PLSCR5: variants seen among roughly 807,000 people sequenced by gnomAD.
PLSCR5 encodes the protein phospholipid scramblase family member 5.
PLSCR5 carries 44 observed loss-of-function variants against 33.6 expected under a neutral mutation model. The ratio of observed to expected loss-of-function variants is 1.31; its 90% confidence interval spans 1.03 to 1.69. The LOEUF (loss-of-function observed/expected upper bound fraction) is 1.69, where lower values mean the gene tolerates loss of function less well. Among genes scored for constraint, PLSCR5 ranks in the 40% most tolerant of loss-of-function variants. The pLI is 0.00. For missense variants in PLSCR5, 375 were observed against 318.7 expected, an observed-to-expected ratio of 1.18 and a Z score of -1.34; for synonymous variants, 148 against 112.3, an observed-to-expected ratio of 1.32 and a Z score of -2.01.
Position 146,600,271 on chromosome 3 carries a change from T to C in PLSCR5, c.189+17A>G, listed in dbSNP as rs985741856. On this transcript the variant is annotated intron_variant, in intron 2 of 7. Transcript: ENST00000443512. ...TAAGGGTAGAACATATCTGTAGTAA[T>C]AGAAAGATAAAAACACCTGGCTTAA... 1.3e-6 allele frequency: 2 copies of C among 1,523,762 alleles called. No homozygotes were observed. The highest frequency in any genetic ancestry group is 2.4e-5 in the East Asian group (1 of 41,508). The allele number at this position is 1,523,762 out of a possible 1,614,324, so 94.4% of individuals were successfully genotyped here.
chr3:146,600,557 A>C, intron 1 of PLSCR5, 94 bp from the exon 2 acceptor site: 1 of 1,143,722 alleles, frequency 8.7e-7, no homozygotes, highest in Non-Finnish European at 1.1e-6. Context: ...TTGATAGGAT[A>C]GTTTATCTCC....
intron 7 of PLSCR5, among the ~76,000 whole-genome samples, chr3:146,577,344 T>G (rs2044605103): frequency 6.6e-6 from 1 of 152,154 alleles, no homozygotes; most frequent in African/African-American, 2.4e-5. Flanking sequence ...TCCATGGATG[T>G]GTCTTGGTTT....
chr3:146,586,884 A>G (rs1305465891), intron 6 of PLSCR5, among the ~76,000 whole-genome samples: 2 of 152,198 alleles, frequency 1.3e-5, no homozygotes, highest in Non-Finnish European at 2.9e-5. Flanking sequence ...TAAGGAAAGT[A>G]ATTTATCTTG....
chr3:146,586,462 CTTTATCTAAATCTGCATAGTA>C (rs2044666753), intron 6 of PLSCR5, among the ~76,000 whole-genome samples: 1 of 152,118 alleles, frequency 6.6e-6, no homozygotes, highest in Admixed American at 6.5e-5. Context: ...AACTTGGAAA[CTTTATCTAAATCTGCATAGTA>C]TTGTCAAACT....
chr3:146,594,034 A>T lies in PLSCR5; in HGVS notation c.339T>A (p.Cys113Ter). 6.2e-7 allele frequency: 1 copy of T among 1,613,870 alleles called. No homozygotes were observed. Among genetic ancestry groups the T allele is most frequent in the Non-Finnish European group, 8.5e-7 (1 of 1,179,794 alleles). ...EESICFNRTFCSTLRSCTLRI... is the reference protein window; with the variant it reads ...EESICFNRTF ...TCAGGGTGCAAGATCGCAGAGTGGA[A>T]CAGAAAGTACGATTGAAGCAGATGC... The change falls in exon 4 of 8, where the codon TGT becomes TGA. Residue 113 changes from cysteine to a stop codon, truncating the protein, a stop_gained. Coordinates refer to ENST00000443512, the MANE Select transcript of PLSCR5 (RefSeq NM_001085420.2). LOFTEE classifies it high-confidence loss of function.
intron 7 of PLSCR5, among the ~76,000 whole-genome samples, chr3:146,577,607 A>G (rs1406415654): frequency 6.6e-6 from 1 of 152,124 alleles, no homozygotes; most frequent in Non-Finnish European, 1.5e-5. Flanking sequence ...TGCATTCACT[A>G]AATTGATGGA....
Position 146,600,576 on chromosome 3 carries a change from A to C in PLSCR5, c.14-113T>G, listed in dbSNP as rs1308188509. ...TAGGATAGTTTATCTCCTGCCTCTC[A>C]TTTTAATGCCCTTTTCCTTCTTTTC... is the stretch of plus-strand genomic sequence containing the variant. On this transcript the variant is annotated intron_variant, in intron 1 of 7. Coordinates refer to ENST00000443512, the MANE Select transcript of PLSCR5 (RefSeq NM_001085420.2). 4 of 1,040,072 alleles carry C rather than the reference A, an allele frequency of 3.8e-6. No homozygotes were observed. The African/African-American group carries it at 5.0e-5, about 13-fold the overall frequency. 64.4% of individuals were successfully genotyped at this position (1,040,072 alleles called of 1,614,324 possible). A position where few individuals can be genotyped will look rare whatever the true frequency, so the allele number is the denominator to read the frequency against.
intron 6 of PLSCR5, among the ~76,000 whole-genome samples, chr3:146,586,992 A>G (rs1042639833): frequency 6.6e-6 from 1 of 152,236 alleles, no homozygotes; most frequent in Non-Finnish European, 1.5e-5. Flanking sequence ...AGAGAAATGA[A>G]TGGGAGTCAT....
At chr3:146,594,576 T>C (rs2044742757) in intron 3 of PLSCR5, among the ~76,000 whole-genome samples, 2 of 152,100 alleles carry the variant, frequency 1.3e-5, no homozygotes, top group South Asian at 4.1e-4. Flanking sequence ...TTTATATATA[T>C]TTAGGCATAA....
downstream of PLSCR5, among the ~76,000 whole-genome samples, chr3:146,583,645 G>C (rs2044648247): frequency 6.6e-6 from 1 of 152,194 alleles, no homozygotes; most frequent in South Asian, 2.1e-4. Context: ...TCAGTTTATT[G>C]TACTATGCCA....
intron 5 of PLSCR5, chr3:146,590,033 A>T (rs763269873): frequency 4.3e-5 from 15 of 348,708 alleles, no homozygotes; most frequent in Non-Finnish European, 7.7e-5. Flanking sequence ...TTTCTAGTCC[A>T]TCATAATTCT....
chr3:146,589,228 T>C (rs1436389418), intron 6 of PLSCR5, among the ~76,000 whole-genome samples: 1 of 152,186 alleles, frequency 6.6e-6, no homozygotes, highest in African/African-American at 2.4e-5. Context: ...ATGTTCACAC[T>C]GAGAAGGCAA....
At chr3:146,581,656 C>A (rs1213367609), downstream of PLSCR5, among the ~76,000 whole-genome samples, 1 of 152,096 alleles carries the variant, frequency 6.6e-6, no homozygotes, top group Non-Finnish European at 1.5e-5. Context: ...GTTTTGTATT[C>A]TTGAAGATTG....
chr3:146,597,818 TAATA>T, intron 2 of PLSCR5, among the ~76,000 whole-genome samples: 1 of 152,280 alleles, frequency 6.6e-6, no homozygotes, highest in Non-Finnish European at 1.5e-5. Context: ...ATGTATGGCT[TAATA>T]ATTAATTTAA....
chr3:146,605,147 A>G (rs1412370358), intron 1 of PLSCR5, 53 bp downstream of exon 1: 18 of 1,539,056 alleles, frequency 1.2e-5, no homozygotes, highest in Middle Eastern at 3.4e-4. Flanking sequence ...ACAATTGTAT[A>G]TTTTTAGTCT....
chr3:146,598,966 A>G (rs991492505), intron 2 of PLSCR5, among the ~76,000 whole-genome samples: 7 of 152,216 alleles, frequency 4.6e-5, no homozygotes, highest in African/African-American at 1.4e-4. Flanking sequence ...AATCTCTTGT[A>G]CCTTAAGGGA....
At chr3:146,579,661 G>C (rs2044620543) in intron 7 of PLSCR5, among the ~76,000 whole-genome samples, 1 of 152,106 alleles carries the variant, frequency 6.6e-6, no homozygotes, top group African/African-American at 2.4e-5. Context: ...CTTAATACTT[G>C]TCAATTCGCT....
rs770282608 is a variant in PLSCR5, at chr3:146,600,261, T to A, written c.189+27A>T. ...GTATTAATTTTAAGGGTAGAACATA[T>A]CTGTAGTAATAGAAAGATAAAAACA... On this transcript the variant is annotated intron_variant, in intron 2 of 7. Transcript: ENST00000443512. 3 of 1,461,354 alleles carry A rather than the reference T, an allele frequency of 2.1e-6. 1 individual carries two copies. The South Asian group carries it at 4.4e-5, about 22-fold the overall frequency. 90.5% of individuals were successfully genotyped at this position (1,461,354 alleles called of 1,614,324 possible).
downstream of PLSCR5, among the ~76,000 whole-genome samples, chr3:146,583,825 A>T (rs1172474493): frequency 6.6e-6 from 1 of 152,192 alleles, no homozygotes; most frequent in African/African-American, 2.4e-5. Flanking sequence ...AAAGTCTCCA[A>T]AGCAGTTTAT....
Sources: gnomAD v4.1 joint callset for allele counts (sites outside exome capture counted in the v4.1 genomes callset) on GRCh38, gnomAD v4.1.1 for gene constraint, MANE v1.5 for transcripts, NCBI Gene and HGNC (gene_info 2026-07-23, HGNC 2026-07-21) for gene names.